ITPR1: variants seen among roughly 807,000 people sequenced by gnomAD.
ITPR1 encodes the protein inositol 1,4,5-trisphosphate-gated calcium channel ITPR1.
ITPR1 carries 96 observed loss-of-function variants against 318.4 expected under a neutral mutation model. The observed-to-expected ratio is 0.30, with a 90% confidence interval of 0.26 to 0.36. The LOEUF is 0.36. ITPR1 is among the 10% of genes least tolerant of loss of function. ITPR1 has a pLI of 1.00. For synonymous variants in ITPR1, 1,312 were observed against 1,289.9 expected (o/e 1.02, Z -0.37); for missense variants, 2,440 against 3,460.2 (o/e 0.71, Z 7.40).
chr3:4,779,569 TC>T lies in ITPR1; in HGVS notation c.6313del (p.Leu2105TrpfsTer20). 6.2e-7 allele frequency: 1 copy of T among 1,612,422 alleles called. No individual in the cohort carries two copies. Among genetic ancestry groups the T allele is most frequent in the Non-Finnish European group, 8.5e-7 (1 of 1,178,852 alleles). ...LELKNNASKL[L>X]LAIMESRHDS... is the part of the protein sequence containing the mutation. Reference sequence around the variant, plus strand: ...AACTAGAACAATGCCTCGAAGTTGCTCCTGGCCATCATGGAAAGCAGGCACG... The same window carrying T: ...AACTAGAACAATGCCTCGAAGTTGCTCTGGCCATCATGGAAAGCAGGCACG... On this transcript the variant is annotated frameshift_variant, in exon 49 of 62. Coordinates refer to ENST00000649015, the MANE Select transcript of ITPR1 (RefSeq NM_001378452.1). LOFTEE classifies it high-confidence loss of function. This position sits in a 1 kb window ranked among gnomAD's most constrained non-coding sequence, Gnocchi z 4.0.
intron 1 of ITPR1, among the ~76,000 whole-genome samples, chr3:4,493,869 A>G (rs1164423005): frequency 6.7e-6 from 1 of 149,096 alleles, no homozygotes; most frequent in East Asian, 2.0e-4. Flanking sequence ...CTGTTGCTGC[A>G]GCTGCAGGAA....
At chr3:4,744,296 C>A (rs942356154) in intron 44 of ITPR1, among the ~76,000 whole-genome samples, 2 of 152,226 alleles carry the variant, frequency 1.3e-5, no homozygotes, top group African/African-American at 4.8e-5. Flanking sequence ...CTCAACAGGT[C>A]CAGATATTCC....
intron 5 of ITPR1, among the ~76,000 whole-genome samples, chr3:4,637,655 T>C (rs915538384): frequency 2.0e-5 from 3 of 152,218 alleles, no homozygotes; most frequent in Non-Finnish European, 4.4e-5. Context: ...TTTAAAGAGC[T>C]GATACAGATG....
At chr3:4,621,418 C>G (rs1292817137) in intron 4 of ITPR1, among the ~76,000 whole-genome samples, 5 of 152,270 alleles carry the variant, frequency 3.3e-5, no homozygotes, top group Non-Finnish European at 7.4e-5. Flanking sequence ...AGAGGTGGTT[C>G]TAAACCATTC....
intron 59 of ITPR1, 89 bp downstream of exon 59, chr3:4,815,307 G>C: frequency 7.6e-7 from 1 of 1,316,518 alleles, no homozygotes; most frequent in Non-Finnish European, 1.1e-6. Flanking sequence ...TGGGCGGGGT[G>C]CCTGCCCAGT....
At chr3:4,833,416 G>C (rs956160484) in intron 60 of ITPR1, among the ~76,000 whole-genome samples, 2 of 152,214 alleles carry the variant, frequency 1.3e-5, no homozygotes, top group African/African-American at 4.8e-5. Context: ...TATTTTTATA[G>C]AAGGTTTGCT....
At chr3:4,754,676 C>A (rs571825283) in intron 44 of ITPR1, among the ~76,000 whole-genome samples, 2 of 152,272 alleles carry the variant, frequency 1.3e-5, no homozygotes, top group Admixed American at 6.5e-5. Flanking sequence ...GAGATCTAAC[C>A]AAACTCTCCT....
At position 4,768,736 on chromosome 3, in the gene ITPR1, T is replaced by C. The variant is rs755113980; in HGVS notation, c.5951T>C (p.Leu1984Pro). ...CCCATCCTCCGCTTCCTTCAGCTCCTGTGTGAAAACCACAACCGAGACCTG... is the reference window on the plus strand; with the variant it reads ...CCCATCCTCCGCTTCCTTCAGCTCCCGTGTGAAAACCACAACCGAGACCTG... ...MQPILRFLQL[L>P]CENHNRDLQN... Residue 1984 changes from leucine to proline, a missense_variant, in exon 46 of 62, where the codon CTG (leucine) becomes CCG (proline). By Grantham distance (98) the Leu-to-Pro change is moderately conservative. This residue lies in a region of ITPR1 where 76 missense variants were observed against 162.1 expected (regional missense o/e 0.47). Coordinates refer to ENST00000649015, the MANE Select transcript of ITPR1 (RefSeq NM_001378452.1). 6.2e-7 allele frequency: 1 copy of C among 1,612,972 alleles called. No individual in the cohort carries two copies. The highest frequency in any genetic ancestry group is 8.5e-7 in the Non-Finnish European group (1 of 1,179,380).
At chr3:4,814,226 C>A in intron 57 of ITPR1, 197 bp from the exon 58 acceptor site, 1 of 604,056 alleles carries the variant, frequency 1.7e-6, no homozygotes, top group Non-Finnish European at 3.0e-6. Context: ...GAGAAATTAG[C>A]GGGGGTTAGC....
chr3:4,583,121 A>G (rs1408223998), intron 4 of ITPR1, among the ~76,000 whole-genome samples: 1 of 152,220 alleles, frequency 6.6e-6, no homozygotes, highest in African/African-American at 2.4e-5. Context: ...CCTATAAGGG[A>G]GATCTGCTAC....
intron 4 of ITPR1, among the ~76,000 whole-genome samples, chr3:4,616,894 T>C (rs1210856019): frequency 6.6e-6 from 1 of 152,110 alleles, no homozygotes; most frequent in South Asian, 2.1e-4. Context: ...TGTGATTTCA[T>C]TATCACTGAA....
chr3:4,712,867 G>T (rs921871474), intron 39 of ITPR1, among the ~76,000 whole-genome samples: 1 of 152,200 alleles, frequency 6.6e-6, no homozygotes, highest in African/African-American at 2.4e-5. Flanking sequence ...TAAGCAACAA[G>T]AGTTCCATGA....
chr3:4,680,599 G>A lies in ITPR1; in HGVS notation c.3014G>A (p.Cys1005Tyr). 6.2e-7 allele frequency: 1 copy of A among 1,613,192 alleles called. No homozygotes were observed. Among genetic ancestry groups the A allele is most frequent in the Non-Finnish European group, 8.5e-7 (1 of 1,179,200 alleles). ...GATTATAGGATCTCCTGCCTCCTGT[G>A]TATATTTAAGCGAGAGTTTGATGAA... ...RLDYRISCLL[C>Y]IFKREFDESN... is the part of the protein sequence containing the mutation. The change falls in exon 25 of 62, where the codon TGT becomes TAT. Residue 1005 changes from cysteine to tyrosine, a missense_variant. Cys to Tyr is a radical substitution (Grantham distance 194). Around this residue, in one of 23 missense-constraint regions of ITPR1, gnomAD observed 57 missense variants for 46.2 expected, o/e 1.23. Coordinates refer to ENST00000649015, the MANE Select transcript of ITPR1 (RefSeq NM_001378452.1).
intron 4 of ITPR1, among the ~76,000 whole-genome samples, chr3:4,534,463 A>G (rs890280699): frequency 6.6e-5 from 10 of 152,316 alleles, no homozygotes; most frequent in Non-Finnish European, 1.2e-4. Context: ...TGGGAGAGAT[A>G]AGTGGAGAGG....
chr3:4,628,860 T>G (rs190373854), intron 5 of ITPR1, among the ~76,000 whole-genome samples: 2 of 152,364 alleles, frequency 1.3e-5, no homozygotes, highest in African/African-American at 2.4e-5. Flanking sequence ...AGAGCATCTG[T>G]GAGCCCCAAG....
chr3:4,655,147 A>C (rs949324611), intron 12 of ITPR1, among the ~76,000 whole-genome samples: 1 of 152,172 alleles, frequency 6.6e-6, no homozygotes, highest in African/African-American at 2.4e-5. Flanking sequence ...GAGGGACGTC[A>C]TGTTTCACAG....
intron 37 of ITPR1, among the ~76,000 whole-genome samples, chr3:4,708,585 A>G (rs1396444809): frequency 2.6e-5 from 4 of 152,272 alleles, no homozygotes; most frequent in Admixed American, 2.0e-4. Context: ...ATGAGCATAC[A>G]GTATTTTCTC....
chr3:4,665,392 A>G (rs531731682), intron 17 of ITPR1, 96 bp downstream of exon 17: 2 of 1,154,096 alleles, frequency 1.7e-6, no homozygotes, highest in Non-Finnish European at 2.5e-6. Context: ...GTCTATTTAT[A>G]GAATGGATGC....
chr3:4,741,394 G>T (rs2043691412), intron 44 of ITPR1, among the ~76,000 whole-genome samples: 1 of 152,168 alleles, frequency 6.6e-6, no homozygotes, highest in Admixed American at 6.5e-5. Context: ...CTATGCCAAA[G>T]TCTAGTCTAC....
Sources: gnomAD v4.1 joint callset for allele counts (sites outside exome capture counted in the v4.1 genomes callset) on GRCh38, gnomAD v4.1.1 for gene constraint, gnomAD v4.1.1 regional missense constraint, Gnocchi (gnomAD v3.1) non-coding constraint, MANE v1.5 for transcripts, NCBI Gene and HGNC (gene_info 2026-07-23, HGNC 2026-07-21) for gene names.